Variants in FGGY observed in about 807,000 individuals in gnomAD.
FGGY encodes FGGY carbohydrate kinase domain containing.
A neutral mutation model predicts 71.3 loss-of-function variants in FGGY; 72 were observed. The observed-to-expected ratio is 1.01, with a 90% confidence interval of 0.84 to 1.23. The LOEUF is 1.23. FGGY is among the 50% of genes most tolerant of loss of function. The probability of loss-of-function intolerance (pLI) is 0.00; values close to 1 mark genes in which losing one functional copy is unlikely to be tolerated. For synonymous variants in FGGY, 251 were observed against 250.3 expected (o/e 1.00, Z -0.02); for missense variants, 668 against 682.3 (o/e 0.98, Z 0.23).
chr1:59,668,629 G>A (rs1475514896), intron 13 of FGGY, among the ~76,000 whole-genome samples: 1 of 152,170 alleles, frequency 6.6e-6, no homozygotes. Flanking sequence ...AACTAAGTAA[G>A]TCACTTATTC....
At chr1:59,405,620 A>G (rs1232643788) in intron 5 of FGGY, among the ~76,000 whole-genome samples, 3 of 152,166 alleles carry the variant, frequency 2.0e-5, no homozygotes, top group Non-Finnish European at 4.4e-5. Flanking sequence ...TTAGAGATGG[A>G]TGGGGAAGGT....
intron 2 of FGGY, among the ~76,000 whole-genome samples, chr1:59,325,262 C>T (rs940880965): frequency 1.3e-5 from 2 of 152,076 alleles, no homozygotes; most frequent in Non-Finnish European, 2.9e-5. Context: ...GAGGCTGAGG[C>T]AGGAGAATGG....
At chr1:59,446,664 A>G (rs1227644372) in intron 5 of FGGY, among the ~76,000 whole-genome samples, 1 of 152,190 alleles carries the variant, frequency 6.6e-6, no homozygotes, top group Non-Finnish European at 1.5e-5. Context: ...TGGCTTGGAA[A>G]AACAGAGCCA....
At chr1:59,551,726 A>G (rs2095611212) in intron 7 of FGGY, among the ~76,000 whole-genome samples, 1 of 152,082 alleles carries the variant, frequency 6.6e-6, no homozygotes. Flanking sequence ...TGAAGTTACT[A>G]CTCATTTCTA....
At chr1:59,579,302 C>T (rs1456599113) in intron 8 of FGGY, among the ~76,000 whole-genome samples, 8 of 152,092 alleles carry the variant, frequency 5.3e-5, no homozygotes, top group Non-Finnish European at 1.2e-4. Context: ...TGCCCATTTC[C>T]CCTTGCTTCT....
intron 2 of FGGY, among the ~76,000 whole-genome samples, chr1:59,330,411 A>G (rs2048235805): frequency 2.0e-5 from 3 of 152,104 alleles, no homozygotes; most frequent in African/African-American, 7.2e-5. Flanking sequence ...TTTACTAAAA[A>G]TACAAAAATT....
chr1:59,611,542 A>G (rs2096678970), intron 9 of FGGY, among the ~76,000 whole-genome samples: 1 of 152,162 alleles, frequency 6.6e-6, no homozygotes. Context: ...AACCACAAAG[A>G]TGGGGAAAAA....
At chr1:59,357,705 T>A (rs1570928974) in intron 4 of FGGY, among the ~76,000 whole-genome samples, 1 of 152,334 alleles carries the variant, frequency 6.6e-6, no homozygotes, top group Middle Eastern at 3.4e-3. Context: ...TACCTTACTG[T>A]TTTATATCCC....
At chr1:59,512,647 A>C (rs1558178383) in intron 7 of FGGY, among the ~76,000 whole-genome samples, 1 of 152,128 alleles carries the variant, frequency 6.6e-6, no homozygotes, top group Non-Finnish European at 1.5e-5. Flanking sequence ...AATTGTATTA[A>C]TTTCTTTATA....
At chr1:59,716,528 C>G (rs973723709) in intron 14 of FGGY, among the ~76,000 whole-genome samples, 1 of 152,138 alleles carries the variant, frequency 6.6e-6, no homozygotes, top group South Asian at 2.1e-4. Flanking sequence ...TTGCTAGGAA[C>G]TTTTGGAACA....
chr1:59,615,119 T>C (rs894629086), intron 9 of FGGY, among the ~76,000 whole-genome samples: 2 of 152,176 alleles, frequency 1.3e-5, no homozygotes, highest in African/African-American at 4.8e-5. Flanking sequence ...AAGCTACTGA[T>C]GACTTTCTTC....
At chr1:59,482,815 T>G (rs528322653) in intron 6 of FGGY, among the ~76,000 whole-genome samples, 21 of 152,188 alleles carry the variant, frequency 1.4e-4, no homozygotes, top group Non-Finnish European at 4.4e-5. Flanking sequence ...TTTAAAATTA[T>G]CTAGTTATTA....
At chr1:59,476,347 A>G (rs778742091) in intron 6 of FGGY, among the ~76,000 whole-genome samples, 34 of 152,244 alleles carry the variant, frequency 2.2e-4, no homozygotes, top group Non-Finnish European at 4.1e-4. Context: ...GACAGGTACT[A>G]CTATATTCAT....
chr1:59,610,329 C>T (rs1450819475), intron 9 of FGGY, among the ~76,000 whole-genome samples: 1 of 152,040 alleles, frequency 6.6e-6, no homozygotes, highest in African/African-American at 2.4e-5. Context: ...TGAGAACATG[C>T]AGTGTTTGGT....
At chr1:59,660,710 C>T (rs1221615447) in intron 12 of FGGY, among the ~76,000 whole-genome samples, 2 of 152,136 alleles carry the variant, frequency 1.3e-5, no homozygotes, top group Non-Finnish European at 2.9e-5. Flanking sequence ...TTCCTTAGAA[C>T]ATGAAAGTGT....
intron 14 of FGGY, among the ~76,000 whole-genome samples, chr1:59,708,140 G>A (rs942140079): frequency 7.9e-5 from 12 of 152,172 alleles, no homozygotes; most frequent in African/African-American, 2.7e-4. Context: ...CCAATACAGG[G>A]ACAAAAAGTC....
chr1:59,587,583 C>G (rs950385180), intron 8 of FGGY, among the ~76,000 whole-genome samples: 1 of 152,140 alleles, frequency 6.6e-6, no homozygotes, highest in African/African-American at 2.4e-5. Context: ...CGGCCGGGTA[C>G]TCCTCTGAGA....
chr1:59,665,445 C>T (rs1379172754), intron 12 of FGGY, among the ~76,000 whole-genome samples: 2 of 152,146 alleles, frequency 1.3e-5, no homozygotes, highest in African/African-American at 4.8e-5. Flanking sequence ...ACTGCTGTGC[C>T]TTTTGCTCCT....
chr1:59,620,975 T>G (rs557917959), intron 9 of FGGY, among the ~76,000 whole-genome samples: 1 of 152,242 alleles, frequency 6.6e-6, no homozygotes, highest in South Asian at 2.1e-4. Context: ...CAGACATTTA[T>G]TTCCTTACAA....
Sources: gnomAD v4.1 joint callset for allele counts (sites outside exome capture counted in the v4.1 genomes callset) on GRCh38, gnomAD v4.1.1 for gene constraint, MANE v1.5 for transcripts, NCBI Gene and HGNC (gene_info 2026-07-23, HGNC 2026-07-21) for gene names.